Variants in EGF observed in about 807,000 individuals in gnomAD.
The protein encoded by EGF is pro-epidermal growth factor.
EGF carries 95 observed loss-of-function variants against 143.8 expected under a neutral mutation model. The observed-to-expected ratio is 0.66, with a 90% CI of 0.56 to 0.78. The LOEUF (loss-of-function observed/expected upper bound fraction) is 0.78. Ranked by LOEUF, EGF falls within the 30% of genes least tolerant of loss-of-function variation. The pLI is 0.00. For missense variants in EGF, 1,320 were observed against 1,470.9 expected (o/e 0.90, Z 1.68); for synonymous variants, 510 against 510.5 (o/e 1.00, Z 0.01).
chr4:110,004,385 T>C, intron 21 of EGF, 120 bp from the exon 22 acceptor site: 4 of 837,504 alleles, frequency 4.8e-6, no homozygotes, highest in East Asian at 2.4e-5. Flanking sequence ...ATATTTCTTC[T>C]CTCCCACACA....
rs1178052329 is a variant in EGF, at chr4:109,913,304, T to C, written c.-32T>C. The C allele has an allele frequency of 6.2e-7, 1 of 1,612,400 alleles. No homozygotes were observed. Among genetic ancestry groups the C allele is most frequent in the Non-Finnish European group, 8.5e-7 (1 of 1,179,110 alleles). On this transcript the variant is annotated 5_prime_UTR_variant, in exon 1 of 24. Transcript: ENST00000265171. ...GCCATGCTCCAGCAAAATCAAGCTG[T>C]TTTCTTTTGAAAGTTCAAACTCATC...
intron 4 of EGF, 130 bp from the exon 5 acceptor site, chr4:109,944,943 A>G: frequency 1.0e-6 from 1 of 965,136 alleles, no homozygotes; most frequent in Non-Finnish European, 1.6e-6. Context: ...TACTTTTCTA[A>G]ACATAAATGA....
intron 1 of EGF, among the ~76,000 whole-genome samples, chr4:109,924,947 G>A (rs1234343132): frequency 6.6e-6 from 1 of 152,202 alleles, no homozygotes; most frequent in Non-Finnish European, 1.5e-5. Flanking sequence ...ATGTTAGCTA[G>A]TGGTAACATG....
chr4:110,010,860 A>G (rs1172142902), intron 23 of EGF, among the ~76,000 whole-genome samples: 1 of 152,166 alleles, frequency 6.6e-6, no homozygotes, highest in African/African-American at 2.4e-5. Flanking sequence ...CAGGAGTTCA[A>G]AACCAGCCTG....
At chr4:110,001,829 C>T (rs1752606609) in intron 21 of EGF, 1 of 985,286 alleles carries the variant, frequency 1.0e-6, no homozygotes, top group Non-Finnish European at 1.2e-6. Flanking sequence ...CATCAGAACC[C>T]TTTCTTTTTC....
chr4:109,940,678 G>A (rs1741774105), intron 1 of EGF: 5 of 407,122 alleles, frequency 1.2e-5, no homozygotes, highest in Admixed American at 3.9e-5. Flanking sequence ...TGGATAAAGA[G>A]TAAAAAGTGT....
intron 8 of EGF, 90 bp downstream of exon 8, chr4:109,962,075 G>T: frequency 1.9e-6 from 3 of 1,578,866 alleles, no homozygotes; most frequent in Middle Eastern, 1.7e-4. Context: ...TGTCAAGGAA[G>T]AATTGATTTT....
intron 5 of EGF, among the ~76,000 whole-genome samples, chr4:109,951,575 A>T (rs2126031675): frequency 6.6e-6 from 1 of 152,350 alleles, no homozygotes; most frequent in East Asian, 1.9e-4. Context: ...GCATGGGTAC[A>T]AAATTATCTG....
chr4:109,989,906 T>C (rs1054972355), intron 18 of EGF, among the ~76,000 whole-genome samples: 1 of 152,062 alleles, frequency 6.6e-6, no homozygotes, highest in East Asian at 1.9e-4. Flanking sequence ...CTCTATTCTC[T>C]CTCCCCCAGC....
At chr4:109,988,331 T>C (rs1189017702) in intron 17 of EGF, among the ~76,000 whole-genome samples, 4 of 152,150 alleles carry the variant, frequency 2.6e-5, no homozygotes, top group Non-Finnish European at 1.5e-5. Context: ...TCAGTCCTTA[T>C]GGTCTGAAAC....
At chr4:109,921,700 T>C (rs1737816462) in intron 1 of EGF, among the ~76,000 whole-genome samples, 1 of 151,542 alleles carries the variant, frequency 6.6e-6, no homozygotes, top group African/African-American at 2.5e-5. Flanking sequence ...GGGTAGGTGG[T>C]TGCTAGGATA....
At chr4:110,001,663 A>G in intron 21 of EGF, 1 of 985,454 alleles carries the variant, frequency 1.0e-6, no homozygotes, top group Non-Finnish European at 1.2e-6. Flanking sequence ...ATTGAAAGCT[A>G]ACGGCAAATT....
chr4:109,932,680 C>A (rs1047433756), intron 1 of EGF, among the ~76,000 whole-genome samples: 11 of 151,828 alleles, frequency 7.2e-5, no homozygotes, highest in Non-Finnish European at 1.5e-4. Context: ...CCGCGCCTGG[C>A]CCAATATTTT....
chr4:109,986,940 A>G (rs1750220216), intron 16 of EGF, among the ~76,000 whole-genome samples: 1 of 152,232 alleles, frequency 6.6e-6, no homozygotes, highest in South Asian at 2.1e-4. Context: ...ACATTGTGAC[A>G]TACATATTCT....
intron 1 of EGF, among the ~76,000 whole-genome samples, chr4:109,916,733 G>C (rs924963614): frequency 7.5e-6 from 1 of 134,036 alleles, no homozygotes; most frequent in Non-Finnish European, 1.5e-5. Context: ...CGATAAGCCC[G>C]AGATTCTATT....
chr4:109,949,530 A>C lies in EGF; in HGVS notation c.940+4255A>C, dbSNP rs1047702614. 3.9e-5 allele frequency among the ~76,000 whole-genome samples: 6 copies of C among 152,232 alleles called. 1 individual carries two copies. The South Asian group carries it at 1.2e-3, about 32-fold the overall frequency. The stretch of plus-strand genomic sequence containing the variant: ...GGTTGTGTGCATCATTACTCTCTAA[A>C]GGTGACACAACCCATGTCATTTTTC... On this transcript the variant is annotated intron_variant, in intron 5 of 23. Transcript: ENST00000265171.
intron 1 of EGF, among the ~76,000 whole-genome samples, chr4:109,935,256 C>T: frequency 6.6e-6 from 1 of 152,028 alleles, no homozygotes; most frequent in East Asian, 1.9e-4. Flanking sequence ...GTTTGTAGTT[C>T]TCCTTGAAGA....
chr4:109,975,949 A>G, intron 12 of EGF, 63 bp from the exon 13 acceptor site: 1 of 1,533,838 alleles, frequency 6.5e-7, no homozygotes, highest in Non-Finnish European at 9.0e-7. Context: ...ATTTTCAATG[A>G]TGAAAGAACA....
At chr4:109,988,414 A>T (rs1750457886) in intron 17 of EGF, among the ~76,000 whole-genome samples, 170 bp from the exon 18 acceptor site, 1 of 152,234 alleles carries the variant, frequency 6.6e-6, no homozygotes, top group South Asian at 2.1e-4. Context: ...CTAATTCAGC[A>T]GTAACTTGTG....
Sources: allele counts gnomAD v4.1 joint callset (sites outside exome capture counted in the v4.1 genomes callset), GRCh38; gene constraint gnomAD v4.1.1; transcripts MANE v1.5; gene names NCBI Gene and HGNC (gene_info 2026-07-23, HGNC 2026-07-21).